Variants in RIPOR2 observed in about 807,000 individuals in gnomAD.
The protein encoded by RIPOR2 is rho family-interacting cell polarization regulator 2.
In RIPOR2, 39 loss-of-function variants were observed where a neutral mutation model predicts 114.5. The observed-to-expected ratio is 0.34, with a 90% CI of 0.26 to 0.44. RIPOR2 has a LOEUF of 0.44. RIPOR2 is among the 20% of genes least tolerant of loss of function. The pLI, the probability that RIPOR2 is intolerant of heterozygous loss-of-function variation, is 1.00. For missense variants in RIPOR2, 1,007 were observed against 1,255.1 expected, an observed-to-expected ratio of 0.80 and a Z score of 2.99; for synonymous variants, 445 against 484.4, an observed-to-expected ratio of 0.92 and a Z score of 1.07.
At chr6:24,989,839 G>A (rs1157126322) in intron 1 of RIPOR2, among the ~76,000 whole-genome samples, 2 of 151,754 alleles carry the variant, frequency 1.3e-5, no homozygotes, top group African/African-American at 4.8e-5. Flanking sequence ...AGATCAGCCT[G>A]GCCAAGATGG....
chr6:24,924,163 C>T (rs911199220), intron 1 of RIPOR2, among the ~76,000 whole-genome samples: 2 of 152,214 alleles, frequency 1.3e-5, no homozygotes, highest in African/African-American at 4.8e-5. Flanking sequence ...CCCATGTAAT[C>T]TCCTAACGTA....
In RIPOR2 at chr6:24,840,431, T is replaced by G. The variant is rs534168992; in HGVS notation, c.1858-1159A>C. The G allele has an allele frequency of 1.3e-5, 16 of 1,267,390 alleles. No homozygotes were observed. In the East Asian group the frequency reaches 6.5e-4, roughly 51 times the overall value. 78.5% of individuals were successfully genotyped at this position (1,267,390 alleles called of 1,614,324 possible). ...GGAGCATTCTATAATGCTGGCCACATGCAGAAACATTACAAGCAAAACAAT... is the reference window on the plus strand; with the variant it reads ...GGAGCATTCTATAATGCTGGCCACAGGCAGAAACATTACAAGCAAAACAAT... On this transcript the variant is annotated intron_variant, in intron 13 of 21. Coordinates refer to ENST00000643898, the MANE Select transcript of RIPOR2 (RefSeq NM_001286445.3).
chr6:24,895,270 C>T (rs1002350056), intron 1 of RIPOR2, among the ~76,000 whole-genome samples: 11 of 152,166 alleles, frequency 7.2e-5, no homozygotes, highest in African/African-American at 2.4e-4. Context: ...AGGCTGGTCT[C>T]GAACTCCTGA....
At position 25,035,583 on chromosome 6, in the gene RIPOR2, A is replaced by G. The variant is rs369503818; in HGVS notation, c.76+6268T>C. Among the ~76,000 whole-genome samples, 28 of 152,314 alleles carry G rather than the reference A, an allele frequency of 1.8e-4. No individual in the cohort carries two copies. The East Asian group carries it at 3.7e-3, about 20-fold the overall frequency. On this transcript the variant is annotated intron_variant, in intron 1 of 13. Transcript: ENST00000510784. ...GTGCTTGTATCCACGCTGAAAAGCT[A>G]AATCTGCAACCGTAGTGCCTCCCCA...
chr6:25,033,324 C>T, intron 1 of RIPOR2, among the ~76,000 whole-genome samples: 1 of 152,142 alleles, frequency 6.6e-6, no homozygotes, highest in Non-Finnish European at 1.5e-5. Context: ...CTCACAGTGT[C>T]CCAGTTTTGC....
At chr6:25,027,981 A>T (rs1776710193) in intron 1 of RIPOR2, among the ~76,000 whole-genome samples, 1 of 151,834 alleles carries the variant, frequency 6.6e-6, no homozygotes, top group Non-Finnish European at 1.5e-5. Flanking sequence ...GCTGCCTATG[A>T]CCCCTAACAG....
In RIPOR2 at chr6:24,843,512, C is replaced by G; in HGVS notation, c.1207G>C (p.Glu403Gln). 6.5e-7 allele frequency: 1 copy of G among 1,537,858 alleles called. No individual in the cohort carries two copies. The highest frequency in any genetic ancestry group is 8.8e-7 in the Non-Finnish European group (1 of 1,140,804). ...CTGAGCGACAGTGGCATTTTCTCCT[C>G]GGCTGCCTTTCCATTTTCAAAGATG... The part of the protein sequence containing the change: ...DDIFENGKAA[E>Q]EKMPLSLSFS... The change falls in exon 13 of 22, where the codon GAG becomes CAG. Residue 403 changes from glutamate (E) to glutamine (Q), a missense_variant. By Grantham distance (29) the Glu-to-Gln change is conservative. Transcript: ENST00000643898.
intron 1 of RIPOR2, among the ~76,000 whole-genome samples, chr6:24,890,300 A>G (rs1297104780): frequency 6.6e-6 from 1 of 152,258 alleles, no homozygotes; most frequent in Non-Finnish European, 1.5e-5. Flanking sequence ...GTATATATAC[A>G]CAATACAATA....
rs1764426098 is a variant in RIPOR2 at position 24,864,888 on chromosome 6, C to T, written c.651+413G>A. Among the ~76,000 whole-genome samples the T allele has an allele frequency of 1.3e-5, 2 of 152,324 alleles. 1 individual carries two copies. Among genetic ancestry groups the T allele is most frequent in the Middle Eastern group, 6.8e-3 (2 of 294 alleles). On this transcript the variant is annotated intron_variant, in intron 7 of 21. Coordinates refer to ENST00000643898, the MANE Select transcript of RIPOR2 (RefSeq NM_001286445.3). The stretch of plus-strand genomic sequence containing the variant: ...CAGGGATAAAACTAGGCTCGATTTA[C>T]ACTAGAATATTTAGAAGTGTGTTTA...
At chr6:24,939,206 G>C (rs573452125), upstream of RIPOR2, among the ~76,000 whole-genome samples, 1 of 152,318 alleles carries the variant, frequency 6.6e-6, no homozygotes, top group Admixed American at 6.5e-5. Flanking sequence ...TTTGATCCCA[G>C]AGTCCAAACT....
At chr6:24,965,176 G>T (rs1773472064) in intron 1 of RIPOR2, among the ~76,000 whole-genome samples, 1 of 151,364 alleles carries the variant, frequency 6.6e-6, no homozygotes, top group African/African-American at 2.4e-5. Context: ...ACAGGGTCTT[G>T]CTCTGTTGCC....
chr6:24,993,973 T>G (rs1774940884), intron 1 of RIPOR2, among the ~76,000 whole-genome samples: 1 of 152,194 alleles, frequency 6.6e-6, no homozygotes, highest in Non-Finnish European at 1.5e-5. Context: ...ATCAATTAAT[T>G]TGCAGTTGAG....
chr6:24,843,802 A>C (rs1344479471), intron 12 of RIPOR2, among the ~76,000 whole-genome samples: 3 of 151,330 alleles, frequency 2.0e-5, no homozygotes, highest in Non-Finnish European at 4.4e-5. Context: ...TCTAGGTGAA[A>C]GTTCATGGCA....
chr6:25,013,723 C>T (rs1018015399), intron 1 of RIPOR2, among the ~76,000 whole-genome samples: 1 of 152,130 alleles, frequency 6.6e-6, no homozygotes, highest in African/African-American at 2.4e-5. Context: ...TCTGCACTGG[C>T]TCTTTTGTAT....
At chr6:24,868,995 G>T in intron 6 of RIPOR2, 99 bp downstream of exon 6, 1 of 629,872 alleles carries the variant, frequency 1.6e-6, no homozygotes, top group Non-Finnish European at 2.8e-6. Context: ...CAATTGGATA[G>T]GAAGTTCTCC....
chr6:24,984,268 C>G (rs1326096036), intron 1 of RIPOR2, among the ~76,000 whole-genome samples: 1 of 152,014 alleles, frequency 6.6e-6, no homozygotes, highest in Non-Finnish European at 1.5e-5. Context: ...GGGCTGAGTC[C>G]GAAAAGAGAG....
At chr6:24,832,854 T>C (rs1261889251) in intron 15 of RIPOR2, among the ~76,000 whole-genome samples, 1 of 152,224 alleles carries the variant, frequency 6.6e-6, no homozygotes, top group Non-Finnish European at 1.5e-5. Context: ...CAATCAGAGC[T>C]GTCTCTTGAT....
chr6:24,808,485 G>A (rs544591704), intron 21 of RIPOR2, among the ~76,000 whole-genome samples: 1 of 152,224 alleles, frequency 6.6e-6, no homozygotes, highest in South Asian at 2.1e-4. Context: ...TAAGATTTCT[G>A]TGGAAGAAAT....
At chr6:24,956,465 A>G (rs932185674) in intron 1 of RIPOR2, among the ~76,000 whole-genome samples, 2 of 152,228 alleles carry the variant, frequency 1.3e-5, no homozygotes, top group African/African-American at 2.4e-5. Context: ...TGATGAGCTG[A>G]CATAATTTTT....
Sources: allele counts gnomAD v4.1 joint callset (sites outside exome capture counted in the v4.1 genomes callset), GRCh38; gene constraint gnomAD v4.1.1; transcripts MANE v1.5; gene names NCBI Gene and HGNC (gene_info 2026-07-23, HGNC 2026-07-21).